PTPRD: variants seen among roughly 807,000 people sequenced by gnomAD.
The protein encoded by PTPRD is protein tyrosine phosphatase receptor type D, also known as receptor-type tyrosine-protein phosphatase delta.
Under a neutral mutation model 214.5 loss-of-function variants are expected in PTPRD, and 34 were observed. That is an observed-to-expected ratio of 0.16 (90% confidence interval 0.12 to 0.21). PTPRD has a LOEUF of 0.21. Among genes scored for constraint, PTPRD ranks in the 10% least tolerant of loss-of-function variants. PTPRD has a pLI of 1.00. For missense variants in PTPRD, 2,545 were observed against 2,398.7 expected (o/e 1.06, Z -1.27); for synonymous variants, 1,128 against 845.7 (o/e 1.33, Z -5.79).
At chr9:8,688,341 C>T (rs533640369) in intron 12 of PTPRD, among the ~76,000 whole-genome samples, 15 of 151,938 alleles carry the variant, frequency 9.9e-5, no homozygotes, top group South Asian at 2.1e-4. Context: ...CCAAGGCGGG[C>T]GGATCACAAG....
intron 2 of PTPRD, among the ~76,000 whole-genome samples, chr9:10,348,022 C>A (rs1271096301): frequency 6.6e-6 from 1 of 152,096 alleles, no homozygotes; most frequent in Non-Finnish European, 1.5e-5. Context: ...CATGCCACTG[C>A]ACTCCAGCCT....
At chr9:10,237,999 T>A in intron 3 of PTPRD, among the ~76,000 whole-genome samples, 1 of 151,570 alleles carries the variant, frequency 6.6e-6, no homozygotes, top group Non-Finnish European at 1.5e-5. Flanking sequence ...TGTTACCTAT[T>A]AATTGCAGCT....
intron 44 of PTPRD, among the ~76,000 whole-genome samples, chr9:8,320,661 A>T (rs1305614655): frequency 1.3e-5 from 2 of 152,126 alleles, no homozygotes; most frequent in African/African-American, 4.8e-5. Context: ...TCTTAAAAAA[A>T]AATGGTTAAG....
At chr9:9,692,436 T>C (rs939445451) in intron 7 of PTPRD, among the ~76,000 whole-genome samples, 11 of 152,008 alleles carry the variant, frequency 7.2e-5, no homozygotes, top group Admixed American at 2.0e-4. Context: ...GAGCCCACTG[T>C]AGGTGTGTGG....
rs541730893 is a variant in PTPRD, at chr9:8,366,163, A to G, written c.4661+9773T>C. 1.2e-4 allele frequency among the ~76,000 whole-genome samples: 18 copies of G among 152,334 alleles called. 1 individual carries two copies. In the South Asian group the frequency reaches 1.7e-3, roughly 14 times the overall value. ...AAGAAATATTCTCAAAATAATCATAATTCTCATCATCCTCTCCCTTTCAGA... is the reference window on the plus strand; with the variant it reads ...AAGAAATATTCTCAAAATAATCATAGTTCTCATCATCCTCTCCCTTTCAGA... On this transcript the variant is annotated intron_variant, in intron 39 of 45. Transcript: ENST00000381196.
chr9:9,251,419 G>C (rs1455167245), intron 9 of PTPRD, among the ~76,000 whole-genome samples: 2 of 151,998 alleles, frequency 1.3e-5, no homozygotes, highest in African/African-American at 4.8e-5. Context: ...AAGTTTTAAA[G>C]CTCTATGCCT....
chr9:8,514,008 T>C (rs2097734176), intron 21 of PTPRD, among the ~76,000 whole-genome samples: 1 of 152,112 alleles, frequency 6.6e-6, no homozygotes, highest in African/African-American at 2.4e-5. Context: ...TATTCTAATA[T>C]ATCCATGTCC....
intron 7 of PTPRD, among the ~76,000 whole-genome samples, chr9:9,578,124 TCAGAAAGCACTGATGTTAA>T (rs2154308671): frequency 6.6e-6 from 1 of 150,520 alleles, no homozygotes; most frequent in Non-Finnish European, 1.5e-5. Context: ...GAACAACCAT[TCAGAAAGCACTGATGTTAA>T]GCCAAGCAGG....
At chr9:9,296,715 G>C (rs1017583469) in intron 9 of PTPRD, among the ~76,000 whole-genome samples, 1 of 151,860 alleles carries the variant, frequency 6.6e-6, no homozygotes, top group East Asian at 2.0e-4. Flanking sequence ...GGCTCTGATT[G>C]CTTTTGACAT....
chr9:8,628,072 G>T (rs2096108650), intron 14 of PTPRD, among the ~76,000 whole-genome samples: 1 of 151,808 alleles, frequency 6.6e-6, no homozygotes, highest in Non-Finnish European at 1.5e-5. Flanking sequence ...TTTTGTTTCA[G>T]TCTTTCATAA....
chr9:8,846,459 C>T (rs1178936592), intron 11 of PTPRD, among the ~76,000 whole-genome samples: 4 of 152,090 alleles, frequency 2.6e-5, no homozygotes, highest in African/African-American at 9.7e-5. Flanking sequence ...AATTACAATG[C>T]ATTATGATAG....
chr9:10,103,432 G>C (rs558128319), intron 3 of PTPRD, among the ~76,000 whole-genome samples: 6 of 131,166 alleles, frequency 4.6e-5, no homozygotes, highest in African/African-American at 1.5e-4. Flanking sequence ...CTTTAAAAAT[G>C]AATAAAAACC....
chr9:10,253,953 A>G (rs1168970279), intron 3 of PTPRD, among the ~76,000 whole-genome samples: 1 of 152,180 alleles, frequency 6.6e-6, no homozygotes, highest in African/African-American at 2.4e-5. Context: ...TCCAAAAACA[A>G]AATTTTAAAT....
At chr9:9,601,668 C>T (rs1230455665) in intron 7 of PTPRD, among the ~76,000 whole-genome samples, 1 of 151,874 alleles carries the variant, frequency 6.6e-6, no homozygotes, top group Non-Finnish European at 1.5e-5. Flanking sequence ...AAATATGATC[C>T]TTGATTCAGT....
At chr9:8,355,549 C>T (rs1161864665) in intron 39 of PTPRD, among the ~76,000 whole-genome samples, 1 of 152,092 alleles carries the variant, frequency 6.6e-6, no homozygotes, top group African/African-American at 2.4e-5. Context: ...ACAGGGTTTG[C>T]CTCTCATGCA....
chr9:8,630,989 T>C (rs2096234964), intron 14 of PTPRD, among the ~76,000 whole-genome samples: 1 of 151,930 alleles, frequency 6.6e-6, no homozygotes, highest in African/African-American at 2.4e-5. Flanking sequence ...ACCTTTTTAA[T>C]ATACCTTCTA....
chr9:10,051,739 C>T (rs1259109422), intron 3 of PTPRD, among the ~76,000 whole-genome samples: 2 of 152,090 alleles, frequency 1.3e-5, no homozygotes, highest in South Asian at 2.1e-4. Context: ...TGCCAGGCAC[C>T]CTGTACCCCT....
At chr9:9,096,166 A>T (rs150582135) in intron 10 of PTPRD, among the ~76,000 whole-genome samples, 1 of 152,336 alleles carries the variant, frequency 6.6e-6, no homozygotes, top group East Asian at 1.9e-4. Flanking sequence ...CAACATGAGG[A>T]CTATAGGTAA....
At chr9:9,511,099 T>A (rs985305171) in intron 8 of PTPRD, among the ~76,000 whole-genome samples, 4 of 151,768 alleles carry the variant, frequency 2.6e-5, no homozygotes, top group African/African-American at 9.7e-5. Flanking sequence ...TCAAAAGAAA[T>A]GTGTGTGATT....
Sources: allele counts gnomAD v4.1 joint callset (sites outside exome capture counted in the v4.1 genomes callset), GRCh38; gene constraint gnomAD v4.1.1; transcripts MANE v1.5; gene names NCBI Gene and HGNC (gene_info 2026-07-23, HGNC 2026-07-21).